Variants in TASP1 observed in about 807,000 individuals in gnomAD.
TASP1 encodes taspase 1, also known as threonine aspartase 1.
In TASP1, 16 loss-of-function variants were observed where a neutral mutation model predicts 56.6. The ratio of observed to expected loss-of-function variants is 0.28; its 90% CI spans 0.19 to 0.43. TASP1 has a LOEUF of 0.43. Among genes scored for constraint, TASP1 ranks in the 20% least tolerant of loss-of-function variants. The pLI is 1.00. For missense variants in TASP1, 393 were observed against 511.6 expected (o/e 0.77, Z 2.24); for synonymous variants, 179 against 184.2 (o/e 0.97, Z 0.23).
chr20:13,476,044 A>G (rs6042150), intron 11 of TASP1, among the ~76,000 whole-genome samples: 8,955 of 148,432 alleles, frequency 0.06, 365 homozygotes, highest in African/African-American at 0.12. Flanking sequence ...ACTTGAATCC[A>G]GGAGGCGGAG....
chr20:13,110,114 A>G, the TASP1 span: 3 of 1,601,204 alleles, frequency 1.9e-6, no homozygotes, highest in South Asian at 3.4e-5. Context: ...ATTTAAAGAC[A>G]CACAAAGCCT....
the TASP1 span, among the ~76,000 whole-genome samples, chr20:13,254,081 A>G: frequency 8.0e-4 from 111 of 138,878 alleles, no homozygotes; most frequent in Non-Finnish European, 1.2e-3. Flanking sequence ...AAAAAAAAAT[A>G]CAAACATTAG....
At chr20:13,464,128 C>T (rs1356142609) in intron 11 of TASP1, among the ~76,000 whole-genome samples, 3 of 152,140 alleles carry the variant, frequency 2.0e-5, no homozygotes, top group African/African-American at 7.2e-5. Flanking sequence ...CTCCTGCTCC[C>T]CAAATGCATA....
At chr20:13,323,729 A>T in the TASP1 span, among the ~76,000 whole-genome samples, 1 of 152,176 alleles carries the variant, frequency 6.6e-6, no homozygotes, top group African/African-American at 2.4e-5. Context: ...AATGTTCTTA[A>T]ATGAGAGTAT....
intron 9 of TASP1, among the ~76,000 whole-genome samples, chr20:13,530,339 A>C (rs1318879624): frequency 1.3e-5 from 2 of 152,204 alleles, no homozygotes; most frequent in Non-Finnish European, 2.9e-5. Flanking sequence ...GTTTCTGACA[A>C]CACCACGCTT....
At chr20:13,270,474 A>G in the TASP1 span, 1 of 1,590,078 alleles carries the variant, frequency 6.3e-7, no homozygotes, top group African/African-American at 1.3e-5. Context: ...GTGTCTCCTT[A>G]ACAGGTGTTT....
chr20:13,429,315 T>C (rs2042721421), intron 12 of TASP1, among the ~76,000 whole-genome samples: 1 of 152,144 alleles, frequency 6.6e-6, no homozygotes, highest in South Asian at 2.1e-4. Context: ...GGCCCAGAGC[T>C]TAGCACAGCA....
chr20:13,569,403 T>C, intron 7 of TASP1, 104 bp downstream of exon 7: 1 of 805,548 alleles, frequency 1.2e-6, no homozygotes, highest in Non-Finnish European at 1.9e-6. Context: ...AACATATAAG[T>C]ATTCTTCCAT....
At chr20:13,306,854 G>T in the TASP1 span, among the ~76,000 whole-genome samples, 1 of 152,130 alleles carries the variant, frequency 6.6e-6, no homozygotes, top group African/African-American at 2.4e-5. Context: ...AAAGAACGAG[G>T]TGTCCCATGC....
intron 10 of TASP1, among the ~76,000 whole-genome samples, chr20:13,490,672 C>T (rs565157411): frequency 1.1e-3 from 173 of 152,074 alleles, no homozygotes; most frequent in African/African-American, 4.1e-3. Context: ...TCTCCTCCTT[C>T]CCTCCCTCAC....
chr20:13,306,141 G>T, the TASP1 span, among the ~76,000 whole-genome samples: 1 of 152,122 alleles, frequency 6.6e-6, no homozygotes, highest in Non-Finnish European at 1.5e-5. Context: ...ATTCATGGAT[G>T]ATTTTCAAAA....
chr20:13,592,629 G>A (rs1416087454), intron 4 of TASP1, among the ~76,000 whole-genome samples: 2 of 152,070 alleles, frequency 1.3e-5, no homozygotes, highest in Non-Finnish European at 2.9e-5. Context: ...GCTTGATGTT[G>A]ATAAATTTTA....
At chr20:13,155,111 G>A in the TASP1 span, among the ~76,000 whole-genome samples, 1 of 152,016 alleles carries the variant, frequency 6.6e-6, no homozygotes, top group Non-Finnish European at 1.5e-5. Context: ...ACACCAGGAG[G>A]CAGAGGTTGC....
intron 13 of TASP1, chr20:13,393,541 CT>C: frequency 1.2e-6 from 1 of 803,256 alleles, no homozygotes; most frequent in South Asian, 1.3e-5. Context: ...GATACCCACT[CT>C]TCCATCTTCC....
the TASP1 span, among the ~76,000 whole-genome samples, chr20:13,220,780 G>T: frequency 6.6e-6 from 1 of 152,178 alleles, no homozygotes; most frequent in African/African-American, 2.4e-5. Context: ...TTCAGGCAGG[G>T]GTCGCAGGCA....
At chr20:13,126,195 A>T in the TASP1 span, among the ~76,000 whole-genome samples, 1 of 152,154 alleles carries the variant, frequency 6.6e-6, no homozygotes, top group Non-Finnish European at 1.5e-5. Context: ...ATGCTTGTTC[A>T]TGGGCACAAT....
chr20:13,125,899 A>G, the TASP1 span, among the ~76,000 whole-genome samples: 1 of 152,252 alleles, frequency 6.6e-6, no homozygotes. Context: ...TGGATTGCAA[A>G]GATGCATGGG....
intron 13 of TASP1, among the ~76,000 whole-genome samples, chr20:13,391,461 A>G (rs2041273638): frequency 6.6e-6 from 1 of 152,140 alleles, no homozygotes; most frequent in Admixed American, 6.6e-5. Flanking sequence ...ACTTCACGCA[A>G]TCCTCTCTAC....
At chr20:13,529,365 A>G (rs2045120770) in intron 9 of TASP1, among the ~76,000 whole-genome samples, 1 of 152,110 alleles carries the variant, frequency 6.6e-6, no homozygotes, top group Admixed American at 6.6e-5. Flanking sequence ...TAACTCTTCC[A>G]CTCCATAGTA....
Sources: gnomAD v4.1 joint callset for allele counts (sites outside exome capture counted in the v4.1 genomes callset) on GRCh38, gnomAD v4.1.1 for gene constraint, MANE v1.5 for transcripts, NCBI Gene and HGNC (gene_info 2026-07-23, HGNC 2026-07-21) for gene names.